ARRB1: variants seen among roughly 807,000 people sequenced by gnomAD.
The protein encoded by ARRB1 is beta-arrestin-1.
ARRB1 carries 21 observed loss-of-function variants against 56.8 expected under a neutral mutation model. The observed-to-expected ratio is 0.37, with a 90% confidence interval of 0.26 to 0.53. The LOEUF (loss-of-function observed/expected upper bound fraction) is 0.53, where lower values mean the gene tolerates loss of function less well. Among genes scored for constraint, ARRB1 ranks in the 20% least tolerant of loss-of-function variants. ARRB1 has a pLI of 0.88. For missense variants in ARRB1, 424 were observed against 553.7 expected, an observed-to-expected ratio of 0.77 and a Z score of 2.35; for synonymous variants, 210 against 218.6, an observed-to-expected ratio of 0.96 and a Z score of 0.35.
At chr11:75,283,949 T>C (rs562161874) in intron 4 of ARRB1, among the ~76,000 whole-genome samples, 1 of 152,224 alleles carries the variant, frequency 6.6e-6, no homozygotes, top group Admixed American at 6.5e-5. Flanking sequence ...CCGGTATCAA[T>C]GTTCTGTTCT....
chr11:75,336,930 A>G (rs1188552232), intron 1 of ARRB1, among the ~76,000 whole-genome samples: 1 of 152,244 alleles, frequency 6.6e-6, no homozygotes, highest in Non-Finnish European at 1.5e-5. Context: ...CTAAGATTTG[A>G]ACTTGATCCA....
chr11:75,281,868 T>C, intron 6 of ARRB1, 94 bp downstream of exon 6: 1 of 1,278,418 alleles, frequency 7.8e-7, no homozygotes, highest in Non-Finnish European at 1.1e-6. Context: ...GGGAGAGTGG[T>C]CCTGTGTGTC....
At chr11:75,317,765 C>A (rs1011722262) in intron 1 of ARRB1, among the ~76,000 whole-genome samples, 2 of 152,224 alleles carry the variant, frequency 1.3e-5, no homozygotes, top group Admixed American at 6.5e-5. Context: ...TCACACTTAA[C>A]CCCCATCAGT....
chr11:75,316,924 T>C (rs1179050647), intron 1 of ARRB1, among the ~76,000 whole-genome samples: 1 of 151,834 alleles, frequency 6.6e-6, no homozygotes, highest in East Asian at 1.9e-4. Flanking sequence ...AAATTAGCCA[T>C]GTGTAGTGGC....
At chr11:75,272,281 G>A (rs1212110656) in intron 12 of ARRB1, among the ~76,000 whole-genome samples, 1 of 152,210 alleles carries the variant, frequency 6.6e-6, no homozygotes, top group Non-Finnish European at 1.5e-5. Context: ...AAGAAACACA[G>A]TAGTTTGTTT....
At chr11:75,269,603 C>T (rs1465255334) in intron 13 of ARRB1, among the ~76,000 whole-genome samples, 1 of 152,232 alleles carries the variant, frequency 6.6e-6, no homozygotes, top group East Asian at 1.9e-4. Context: ...TTTCTCTGTA[C>T]TTGGCCCTGA....
At chr11:75,328,501 T>C (rs1947474259) in intron 1 of ARRB1, among the ~76,000 whole-genome samples, 1 of 152,224 alleles carries the variant, frequency 6.6e-6, no homozygotes, top group African/African-American at 2.4e-5. Context: ...ATACAGATGG[T>C]GACTTGAACT....
At chr11:75,334,666 G>GATTA (rs1253036452) in intron 1 of ARRB1, among the ~76,000 whole-genome samples, 1 of 152,236 alleles carries the variant, frequency 6.6e-6, no homozygotes, top group Non-Finnish European at 1.5e-5. Context: ...GAGGAAGATT[G>GATTA]AAGTCAGAGA....
intron 1 of ARRB1, among the ~76,000 whole-genome samples, chr11:75,317,165 C>A (rs944542279): frequency 1.3e-4 from 20 of 152,200 alleles, no homozygotes; most frequent in Non-Finnish European, 1.5e-5. Context: ...CAAAGTCATT[C>A]TCCTCCACTG....
In ARRB1 at chr11:75,283,468, G is replaced by A; in HGVS notation, c.173C>T (p.Thr58Ile). ...CTCCCGGCCATAGCGGAAGGCGCAG[G>A]TCAGCGTCACATAGACTGTGGGGAG... ...LKERRVYVTL[T>I]CAFRYGREDL... is the part of the protein sequence containing the mutation. Residue 58 changes from threonine (T) to isoleucine (I), a missense_variant, in exon 5 of 16, where the codon ACC becomes ATC. Around this residue, in one of 3 missense-constraint regions of ARRB1, gnomAD observed 301 missense variants for 387.9 expected, o/e 0.78. Coordinates refer to ENST00000420843, the MANE Select transcript of ARRB1 (RefSeq NM_004041.5). 1 of 1,612,150 alleles carries A rather than the reference G, an allele frequency of 6.2e-7. No individual in the cohort carries two copies. The highest frequency in any genetic ancestry group is 8.5e-7 in the Non-Finnish European group (1 of 1,178,910).
intron 14 of ARRB1, 80 bp from the exon 15 acceptor site, chr11:75,267,783 C>G (rs1945963761): frequency 1.6e-6 from 2 of 1,212,686 alleles, no homozygotes. Context: ...AGGCCCCCAC[C>G]CTGGGACAAC....
chr11:75,277,573 G>T, intron 8 of ARRB1, 125 bp from the exon 9 acceptor site: 1 of 816,440 alleles, frequency 1.2e-6, no homozygotes, highest in East Asian at 2.5e-5. Flanking sequence ...CTTCAGAAGG[G>T]TCTGCTGCTC....
Position 75,309,864 on chromosome 11 carries a change from G to A in ARRB1, c.21-19825C>T, listed in dbSNP as rs531852200. On this transcript the variant is annotated intron_variant, in intron 1 of 15. Transcript: ENST00000420843. ...CCTCAGTGAGGCAGGGAGCAGGGGAGGAGCATTCTAGAGCATCTCCAGACC... is the reference window on the plus strand; with the variant it reads ...CCTCAGTGAGGCAGGGAGCAGGGGAAGAGCATTCTAGAGCATCTCCAGACC... Among the ~76,000 whole-genome samples, 3 of 152,318 alleles carry A rather than the reference G, an allele frequency of 2.0e-5. No homozygotes were observed. The East Asian group carries it at 5.8e-4, about 29-fold the overall frequency.
chr11:75,267,608 CCCGCGGCCCA>C, intron 15 of ARRB1, 34 bp downstream of exon 15: 1 of 1,367,790 alleles, frequency 7.3e-7, no homozygotes, highest in Non-Finnish European at 1.0e-6. Context: ...ACCCCGCCCA[CCCGCGGCCCA>C]CCCCCGGATG....
In ARRB1 at chr11:75,272,687, A is replaced by G. The variant is rs185921027; in HGVS notation, c.998+208T>C. 1.3e-3 allele frequency: 741 copies of G among 569,322 alleles called. 3 individuals carry two copies. Among genetic ancestry groups the G allele is most frequent in the African/African-American group, 0.01 (541 of 52,926 alleles). 35.3% of individuals were successfully genotyped at this position (569,322 alleles called of 1,614,324 possible). Reference sequence around the variant, plus strand: ...AGAAAGAGATGGGTGGGGGTAAGAGAGGGGCTGAGGGCCAAGGAAGGAAGA... The same window carrying G: ...AGAAAGAGATGGGTGGGGGTAAGAGGGGGGCTGAGGGCCAAGGAAGGAAGA... On this transcript the variant is annotated intron_variant, in intron 12 of 15. Coordinates refer to ENST00000420843, the MANE Select transcript of ARRB1 (RefSeq NM_004041.5).
intron 1 of ARRB1, among the ~76,000 whole-genome samples, chr11:75,330,601 G>A (rs1043444834): frequency 6.6e-6 from 1 of 152,196 alleles, no homozygotes; most frequent in Non-Finnish European, 1.5e-5. Context: ...TCCATTGTGA[G>A]GCCAAGAGAA....
At chr11:75,340,184 G>A (rs1947673200) in intron 1 of ARRB1, among the ~76,000 whole-genome samples, 1 of 152,270 alleles carries the variant, frequency 6.6e-6, no homozygotes, top group South Asian at 2.1e-4. Flanking sequence ...TTGCCCTCTG[G>A]GGGCAGTTTG....
At chr11:75,298,461 C>A (rs1946815920) in intron 1 of ARRB1, among the ~76,000 whole-genome samples, 1 of 152,110 alleles carries the variant, frequency 6.6e-6, no homozygotes, top group Non-Finnish European at 1.5e-5. Flanking sequence ...TGTTCAGCAT[C>A]ATCAGTCATC....
intron 1 of ARRB1, among the ~76,000 whole-genome samples, chr11:75,330,072 C>T (rs1359960961): frequency 6.6e-6 from 1 of 152,098 alleles, no homozygotes. Flanking sequence ...CAAATTTGCA[C>T]TGAATGAATA....
Sources: gnomAD v4.1 joint callset for allele counts (sites outside exome capture counted in the v4.1 genomes callset) on GRCh38, gnomAD v4.1.1 for gene constraint, gnomAD v4.1.1 regional missense constraint, MANE v1.5 for transcripts, NCBI Gene and HGNC (gene_info 2026-07-23, HGNC 2026-07-21) for gene names.